SBNO1: variants seen among roughly 807,000 people sequenced by gnomAD.
The protein encoded by SBNO1 is protein strawberry notch homolog 1.
In SBNO1, 23 loss-of-function variants were observed where a neutral mutation model predicts 173.6. The ratio of observed to expected loss-of-function variants is 0.13; its 90% confidence interval spans 0.10 to 0.19. The LOEUF (loss-of-function observed/expected upper bound fraction) is 0.19. SBNO1 is among the 10% of genes least tolerant of loss of function. The pLI is 1.00. For synonymous variants in SBNO1, 632 were observed against 571.5 expected, an observed-to-expected ratio of 1.11 and a Z score of -1.51; for missense variants, 1,238 against 1,671.2, an observed-to-expected ratio of 0.74 and a Z score of 4.52.
chr12:123,347,303 T>A (rs952067511), intron 3 of SBNO1, among the ~76,000 whole-genome samples: 2 of 151,846 alleles, frequency 1.3e-5, no homozygotes, highest in African/African-American at 4.8e-5. Flanking sequence ...CTCGGCTCAC[T>A]GCAAGTTCTA....
chr12:123,306,512 T>C (rs898202724), intron 28 of SBNO1, among the ~76,000 whole-genome samples: 1 of 152,186 alleles, frequency 6.6e-6, no homozygotes, highest in Non-Finnish European at 1.5e-5. Flanking sequence ...AGGACTTTCA[T>C]CACAATCTAC....
intron 18 of SBNO1, 36 bp downstream of exon 18, chr12:123,320,663 A>G: frequency 1.9e-6 from 3 of 1,596,580 alleles, no homozygotes; most frequent in Non-Finnish European, 2.6e-6. Context: ...TTTTGTTTAA[A>G]ACAGTATTTC....
intron 4 of SBNO1, 43 bp downstream of exon 4, chr12:123,345,215 C>T: frequency 1.3e-6 from 2 of 1,515,030 alleles, no homozygotes; most frequent in Non-Finnish European, 1.8e-6. Context: ...GCTGACATAG[C>T]TTACCAGAGA....
At chr12:123,341,991 G>A (rs192007885) in intron 4 of SBNO1, among the ~76,000 whole-genome samples, 305 of 151,664 alleles carry the variant, frequency 2.0e-3, no homozygotes, top group African/African-American at 7.0e-3. Context: ...ATTACTTTGA[G>A]ACACTTCATT....
At chr12:123,337,477 G>A (rs1278732822) in intron 5 of SBNO1, among the ~76,000 whole-genome samples, 2 of 152,232 alleles carry the variant, frequency 1.3e-5, no homozygotes, top group South Asian at 4.1e-4. Flanking sequence ...CATTAAAAGT[G>A]AAGGACAGGC....
In SBNO1 at chr12:123,323,837, GGAGA is replaced by G; in HGVS notation, c.1974-10_1974-7del. 2 of 1,582,500 alleles carry G rather than the reference GGAGA, an allele frequency of 1.3e-6. No individual in the cohort carries two copies. Among genetic ancestry groups the G allele is most frequent in the African/African-American group, 2.7e-5 (2 of 73,144 alleles). On this transcript the variant is annotated splice_region_variant and splice_polypyrimidine_tract_variant and intron_variant, in intron 15 of 31. Coordinates refer to ENST00000602398, the MANE Select transcript of SBNO1 (RefSeq NM_001167856.3). ...TGAGTGACTGCAACACACCTCTGTA[GGAGA>G]GAAACAGTGACAATTACTGCTTCAG... is the stretch of plus-strand genomic sequence containing the variant.
chr12:123,299,429 C>A (rs866038516), intron 30 of SBNO1, among the ~76,000 whole-genome samples: 10 of 152,040 alleles, frequency 6.6e-5, no homozygotes, highest in Non-Finnish European at 8.8e-5. Flanking sequence ...CGCCTGTAAT[C>A]TCAGCACTTT....
intron 1 of SBNO1, among the ~76,000 whole-genome samples, chr12:123,359,316 G>A (rs766290168): frequency 1.3e-5 from 2 of 151,554 alleles, no homozygotes; most frequent in Non-Finnish European, 2.9e-5. Context: ...GGGAGGCCAA[G>A]ATGAGATCAC....
chr12:123,307,838 A>G (rs1283949411), intron 28 of SBNO1, among the ~76,000 whole-genome samples: 2 of 152,172 alleles, frequency 1.3e-5, no homozygotes, highest in African/African-American at 2.4e-5. Flanking sequence ...TTGGGAGGCC[A>G]AGGCAGGCGG....
intron 5 of SBNO1, among the ~76,000 whole-genome samples, chr12:123,336,789 C>T (rs1449262454): frequency 6.6e-6 from 1 of 152,176 alleles, no homozygotes; most frequent in Non-Finnish European, 1.5e-5. Context: ...TATCACCCCT[C>T]CTTGATGCCC....
chr12:123,309,354 C>A lies in SBNO1; in HGVS notation c.3586G>T (p.Ala1196Ser). The change falls in exon 28 of 32, where the codon GCT (alanine) becomes TCT (serine). Residue 1196 changes from alanine (A) to serine (S), a missense_variant. By Grantham distance (99) the Ala-to-Ser change is moderately conservative (BLOSUM62 1). Around this residue, in one of 14 missense-constraint regions of SBNO1, gnomAD observed 351 missense variants for 420.3 expected, o/e 0.84. Transcript: ENST00000602398. ...CCATCGTCTGGTCCTGTCAGCTCAG[C>A]CCAAATCTTGGTAGCTTCCTCCCAT... ...MSWEEATKIWAELTGPDDGFY... is the reference protein window; with the variant it reads ...MSWEEATKIWSELTGPDDGFY... The A allele has an allele frequency of 1.2e-6, 2 of 1,614,180 alleles. No individual in the cohort carries two copies. The highest frequency in any genetic ancestry group is 1.7e-6 in the Non-Finnish European group (2 of 1,180,002).
At chr12:123,346,620 C>T (rs1054424246) in intron 3 of SBNO1, among the ~76,000 whole-genome samples, 1 of 151,632 alleles carries the variant, frequency 6.6e-6, no homozygotes, top group Admixed American at 6.6e-5. Context: ...GCCGAGATCG[C>T]GCCACTGCAC....
intron 4 of SBNO1, among the ~76,000 whole-genome samples, chr12:123,344,483 A>G (rs1253361797): frequency 6.6e-6 from 1 of 152,202 alleles, no homozygotes; most frequent in Admixed American, 6.6e-5. Flanking sequence ...CACTTAAGAC[A>G]AAGTTCTACA....
At chr12:123,342,841 G>C (rs956937057) in intron 4 of SBNO1, among the ~76,000 whole-genome samples, 3 of 152,308 alleles carry the variant, frequency 2.0e-5, no homozygotes, top group Middle Eastern at 3.4e-3. Flanking sequence ...ACTGCCTTTA[G>C]GGAAGAGAGT....
At chr12:123,342,402 G>A (rs1307915885) in intron 4 of SBNO1, among the ~76,000 whole-genome samples, 2 of 152,058 alleles carry the variant, frequency 1.3e-5, no homozygotes, top group Non-Finnish European at 2.9e-5. Flanking sequence ...AATGAGCCGA[G>A]ATCGCGCCAC....
At chr12:123,296,566 T>TG (rs752290858) in intron 31 of SBNO1, among the ~76,000 whole-genome samples, 283 of 150,050 alleles carry the variant, frequency 1.9e-3, no homozygotes, top group African/African-American at 6.1e-3. Context: ...TTTTTTTTTT[T>TG]GTTTTTTTTT....
intron 24 of SBNO1, among the ~76,000 whole-genome samples, chr12:123,311,745 TATA>T: frequency 7.0e-6 from 1 of 142,730 alleles, no homozygotes; most frequent in South Asian, 2.3e-4. Flanking sequence ...TATATATATA[TATA>T]TTTTTGCGAC....
At chr12:123,344,789 C>A (rs1009639611) in intron 4 of SBNO1, among the ~76,000 whole-genome samples, 4 of 152,068 alleles carry the variant, frequency 2.6e-5, no homozygotes, top group African/African-American at 9.7e-5. Flanking sequence ...ACGGAAGCTG[C>A]AGTGAGCAGA....
At chr12:123,351,098 G>C (rs1297200247) in intron 1 of SBNO1, among the ~76,000 whole-genome samples, 1 of 152,142 alleles carries the variant, frequency 6.6e-6, no homozygotes, top group East Asian at 1.9e-4. Context: ...CTCCAGCCTG[G>C]GTGACAGAGC....
Sources: gnomAD v4.1 joint callset for allele counts (sites outside exome capture counted in the v4.1 genomes callset) on GRCh38, gnomAD v4.1.1 for gene constraint, gnomAD v4.1.1 regional missense constraint, MANE v1.5 for transcripts, NCBI Gene and HGNC (gene_info 2026-07-23, HGNC 2026-07-21) for gene names.